ANKRD18B: variants seen among roughly 807,000 people sequenced by gnomAD.
ANKRD18B encodes ankyrin repeat domain-containing protein 18B.
In ANKRD18B, 75 loss-of-function variants were observed where a neutral mutation model predicts 111.8. The observed-to-expected ratio is 0.67, with a 90% CI of 0.56 to 0.81. The LOEUF (loss-of-function observed/expected upper bound fraction) is 0.81. Among genes scored for constraint, ANKRD18B ranks in the 40% least tolerant of loss-of-function variants. The probability of loss-of-function intolerance (pLI) is 0.00; values close to 1 mark genes in which losing one functional copy is unlikely to be tolerated. For missense variants in ANKRD18B, 1,038 were observed against 1,225.5 expected (o/e 0.85, Z 2.28); for synonymous variants, 356 against 417.3 (o/e 0.85, Z 1.79).
At position 33,548,693 on chromosome 9, in the gene ANKRD18B, T is replaced by C; in HGVS notation, c.1905T>C (p.Arg635=). 1 of 1,551,068 alleles carries C rather than the reference T, an allele frequency of 6.4e-7. No homozygotes were observed. Among genetic ancestry groups the C allele is most frequent in the Non-Finnish European group, 8.7e-7 (1 of 1,146,638 alleles). Residue 635 remains arginine, a synonymous_variant, in exon 11 of 19, where the codon CGT becomes CGC. Transcript: ENST00000684830. The part of the protein sequence containing the change: ...LLLERQLEDA[R]KEGDNKEIVI... ...TTGAACGACAACTAGAGGATGCTCGTAAGGAAGGTGATAATAAAGAGATAG... is the reference window on the plus strand; with the variant it reads ...TTGAACGACAACTAGAGGATGCTCGCAAGGAAGGTGATAATAAAGAGATAG...
chr9:33,535,195 A>G (rs1828177975), intron 5 of ANKRD18B, among the ~76,000 whole-genome samples: 2 of 151,956 alleles, frequency 1.3e-5, no homozygotes, highest in Non-Finnish European at 2.9e-5. Context: ...GTAATGATTG[A>G]CTTTTGCCAC....
chr9:33,561,637 T>G (rs1264787247), intron 14 of ANKRD18B, among the ~76,000 whole-genome samples: 1 of 152,226 alleles, frequency 6.6e-6, no homozygotes, highest in Non-Finnish European at 1.5e-5. Flanking sequence ...TCTGAGAGTT[T>G]TATAGTTTTA....
At chr9:33,525,912 A>G (rs1267471566) in intron 1 of ANKRD18B, among the ~76,000 whole-genome samples, 1 of 151,646 alleles carries the variant, frequency 6.6e-6, no homozygotes, top group Admixed American at 6.6e-5. Flanking sequence ...ATATATACAG[A>G]TAAAAAGCAC....
intron 10 of ANKRD18B, among the ~76,000 whole-genome samples, chr9:33,547,679 AGAGT>A (rs1168597262): frequency 2.7e-5 from 3 of 112,034 alleles, no homozygotes; most frequent in African/African-American, 6.6e-5. Context: ...AAAATTCTCT[AGAGT>A]GTGTGTGTGT....
chr9:33,539,269 C>T (rs1828244822), intron 6 of ANKRD18B, among the ~76,000 whole-genome samples, 180 bp from the exon 7 acceptor site: 11 of 152,144 alleles, frequency 7.2e-5, no homozygotes, highest in Admixed American at 7.2e-4. Flanking sequence ...TTATTTATTA[C>T]ATATGTATCA....
intron 4 of ANKRD18B, 175 bp downstream of exon 4, chr9:33,533,720 A>T (rs1828149944): frequency 7.7e-7 from 1 of 1,303,748 alleles, no homozygotes; most frequent in Non-Finnish European, 1.0e-6. Context: ...TAAGCAACAT[A>T]AAAAACAGTA....
Position 33,548,264 on chromosome 9 carries a change from C to T in ANKRD18B, c.1476C>T (p.Ser492=). Residue 492 remains serine (S), a synonymous_variant, in exon 11 of 19, where the codon TCC becomes TCT. Coordinates refer to ENST00000684830, the MANE Select transcript of ANKRD18B (RefSeq NM_001393611.1). The stretch of plus-strand genomic sequence containing the variant: ...AAAGACTAGAAGCTGAAGTTGAATC[C>T]CTCCATTCTAACTTGGCCACTGCTA... ...NKERLEAEVE[S]LHSNLATAIN... 1 of 1,550,944 alleles carries T rather than the reference C, an allele frequency of 6.4e-7. No individual in the cohort carries two copies. Among genetic ancestry groups the T allele is most frequent in the Non-Finnish European group, 8.7e-7 (1 of 1,146,620 alleles).
rs2117947724 is a variant in ANKRD18B at position 33,524,557 on chromosome 9, A to G, written c.68A>G (p.Tyr23Cys). The G allele has an allele frequency of 6.4e-7, 1 of 1,551,428 alleles. No homozygotes were observed. ...CTCCTGAGCTCCATGGACCAAGAGTATGCGGGTCGGGGGTACCACATTCGG... is the reference window on the plus strand; with the variant it reads ...CTCCTGAGCTCCATGGACCAAGAGTGTGCGGGTCGGGGGTACCACATTCGG... ...QALLSSMDQE[Y>C]AGRGYHIRDW... The change falls in exon 1 of 19, where the codon TAT becomes TGT. Residue 23 changes from tyrosine (Y) to cysteine (C), a missense_variant. Around this residue, in one of 4 missense-constraint regions of ANKRD18B, gnomAD observed 216 missense variants for 205.1 expected, o/e 1.05. Coordinates refer to ENST00000684830, the MANE Select transcript of ANKRD18B (RefSeq NM_001393611.1).
At chr9:33,570,668 T>G (rs1828760511) in intron 17 of ANKRD18B, among the ~76,000 whole-genome samples, 1 of 151,382 alleles carries the variant, frequency 6.6e-6, no homozygotes, top group Non-Finnish European at 1.5e-5. Context: ...AGATGGAGTT[T>G]CGCTCTGTCA....
Position 33,548,414 on chromosome 9 carries a change from G to C in ANKRD18B, c.1626G>C (p.Leu542Phe), listed in dbSNP as rs1349218422. ...NISQLTDKNE[L>F]LTEQVHKARV... is the part of the protein sequence containing the mutation. ...CTCAACTAACAGATAAGAATGAGTTGCTTACTGAACAGGTCCATAAAGCTC... is the reference window on the plus strand; with the variant it reads ...CTCAACTAACAGATAAGAATGAGTTCCTTACTGAACAGGTCCATAAAGCTC... The change falls in exon 11 of 19, where the codon TTG becomes TTC. Residue 542 changes from leucine (L) to phenylalanine (F), a missense_variant. Physicochemically the swap from Leu to Phe is conservative, Grantham distance 22. Transcript: ENST00000684830. 3 of 1,550,986 alleles carry C rather than the reference G, an allele frequency of 1.9e-6. No individual in the cohort carries two copies. The highest frequency in any genetic ancestry group is 2.6e-6 in the Non-Finnish European group (3 of 1,146,620).
At position 33,529,142 on chromosome 9, in the gene ANKRD18B, C is replaced by T; in HGVS notation, c.464C>T (p.Ser155Phe). The change falls in exon 3 of 19, where the codon TCC (serine) becomes TTC (phenylalanine). Residue 155 changes from serine to phenylalanine, a missense_variant. Physicochemically the swap from Ser to Phe is radical, Grantham distance 155 (BLOSUM62 -2). Transcript: ENST00000684830. ...EGTSLAERLL[S>F]HHANIEALNK... ...ACTTCACTGGCAGAAAGACTGCTTT[C>T]CCACCATGCAAATATTGAAGCACTA... 6.2e-6 allele frequency: 10 copies of T among 1,611,646 alleles called. No homozygotes were observed. The highest frequency in any genetic ancestry group is 8.5e-6 in the Non-Finnish European group (10 of 1,179,772).
chr9:33,567,364 T>C (rs1245782763), intron 16 of ANKRD18B, 50 bp downstream of exon 16: 1 of 1,475,920 alleles, frequency 6.8e-7, no homozygotes, highest in East Asian at 2.5e-5. Flanking sequence ...CATTAATTTG[T>C]TTTGAAAGCA....
At chr9:33,535,513 T>A (rs1828184592) in intron 5 of ANKRD18B, among the ~76,000 whole-genome samples, 2 of 151,750 alleles carry the variant, frequency 1.3e-5, no homozygotes, top group Admixed American at 6.6e-5. Context: ...GGTCTCGATC[T>A]CCTGACCTTG....
At chr9:33,569,450 A>C (rs1416048986) in intron 17 of ANKRD18B, among the ~76,000 whole-genome samples, 7 of 151,844 alleles carry the variant, frequency 4.6e-5, no homozygotes, top group South Asian at 2.1e-4. Context: ...TTTTTAGTAG[A>C]GATAGGATTT....
intron 13 of ANKRD18B, 119 bp downstream of exon 13, chr9:33,555,939 A>G: frequency 1.4e-6 from 1 of 730,350 alleles, no homozygotes. Flanking sequence ...AATTAAATGA[A>G]TTCTGTTTTA....
downstream of ANKRD18B, among the ~76,000 whole-genome samples, chr9:33,575,049 G>C (rs1197324904): frequency 6.6e-6 from 1 of 152,156 alleles, no homozygotes; most frequent in African/African-American, 2.4e-5. Context: ...CTTCCTCCTG[G>C]CTTGGGGACA....
chr9:33,524,397 G>A lies in ANKRD18B; in HGVS notation c.-93G>A, dbSNP rs1399232894. The A allele has an allele frequency of 7.1e-6, 10 of 1,402,102 alleles. No homozygotes were observed. Among genetic ancestry groups the A allele is most frequent in the Non-Finnish European group, 9.5e-6 (10 of 1,054,958 alleles). The allele number at this position is 1,402,102 out of a possible 1,614,324, so 86.9% of individuals were successfully genotyped here. On this transcript the variant is annotated 5_prime_UTR_variant, in exon 1 of 19. Coordinates refer to ENST00000684830, the MANE Select transcript of ANKRD18B (RefSeq NM_001393611.1). ...GGGGTGGATCGCTGGGTGGGGAGGG[G>A]GATCTCGAATTTGGAGCTGGGTGGG...
At chr9:33,556,941 A>G (rs1828536032) in intron 13 of ANKRD18B, among the ~76,000 whole-genome samples, 1 of 152,176 alleles carries the variant, frequency 6.6e-6, no homozygotes, top group Non-Finnish European at 1.5e-5. Context: ...CCTAAAGAAA[A>G]AGAGTAAAAT....
chr9:33,558,752 A>G (rs1270827041), intron 14 of ANKRD18B, among the ~76,000 whole-genome samples: 2 of 152,226 alleles, frequency 1.3e-5, no homozygotes, highest in Non-Finnish European at 1.5e-5. Context: ...TTGGAGAAAT[A>G]TTAATGATGG....
Sources: gnomAD v4.1 joint callset for allele counts (sites outside exome capture counted in the v4.1 genomes callset) on GRCh38, gnomAD v4.1.1 for gene constraint, gnomAD v4.1.1 regional missense constraint, MANE v1.5 for transcripts, NCBI Gene and HGNC (gene_info 2026-07-23, HGNC 2026-07-21) for gene names.